TG: variants seen among roughly 807,000 people sequenced by gnomAD.
TG encodes thyroglobulin.
TG carries 270 observed loss-of-function variants against 324.7 expected under a neutral mutation model. The ratio of observed to expected loss-of-function variants is 0.83; its 90% CI spans 0.75 to 0.92. TG has a LOEUF of 0.92. TG is among the 40% of genes least tolerant of loss of function. The pLI, the probability that TG is intolerant of heterozygous loss-of-function variation, is 0.00. For missense variants in TG, 3,591 were observed against 3,456.4 expected (o/e 1.04, Z -0.98); for synonymous variants, 1,401 against 1,327.0 (o/e 1.06, Z -1.21).
intron 34 of TG, among the ~76,000 whole-genome samples, chr8:132,981,328 C>T (rs1052709638): frequency 2.0e-5 from 3 of 152,294 alleles, no homozygotes; most frequent in South Asian, 4.1e-4. Context: ...GGAGATGTTT[C>T]CTTTGCAAAC....
At chr8:133,059,604 C>G (rs1457363647) in intron 41 of TG, among the ~76,000 whole-genome samples, 1 of 151,964 alleles carries the variant, frequency 6.6e-6, no homozygotes, top group Non-Finnish European at 1.5e-5. Flanking sequence ...ATAAGGTTTC[C>G]TTTGTTTTCA....
intron 29 of TG, among the ~76,000 whole-genome samples, chr8:132,966,286 A>G (rs903568210): frequency 2.0e-5 from 3 of 152,334 alleles, no homozygotes; most frequent in Admixed American, 6.5e-5. Context: ...CCAAGGCTTT[A>G]TCCAAACCCA....
chr8:132,961,246 C>T (rs1041172727), intron 28 of TG, among the ~76,000 whole-genome samples, 173 bp downstream of exon 28: 1 of 152,082 alleles, frequency 6.6e-6, no homozygotes, highest in Non-Finnish European at 1.5e-5. Context: ...GATAAGATGC[C>T]AAAGTCTAAA....
rs143578780 is a variant in TG at position 132,873,088 on chromosome 8, C to T, written c.505C>T (p.Arg169Cys). The T allele has an allele frequency of 4.7e-5, 76 of 1,613,968 alleles. No individual in the cohort carries two copies. Among genetic ancestry groups the T allele is most frequent in the South Asian group, 5.5e-5 (5 of 91,078 alleles). The change falls in exon 5 of 48, where the codon CGT (arginine) becomes TGT (cysteine). Residue 169 changes from arginine to cysteine, a missense_variant. Transcript: ENST00000220616. ...TCCAAGGAGCTGTGAAATAAGAAAT[C>T]GTCGTCTTCTCCACGGGGTGGGAGA... ...RCPRSCEIRN[R>C]RLLHGVGDKS...
chr8:132,953,074 G>A (rs1826354199), intron 27 of TG, among the ~76,000 whole-genome samples: 1 of 152,212 alleles, frequency 6.6e-6, no homozygotes, highest in African/African-American at 2.4e-5. Context: ...TTTGGGGCCA[G>A]CTATGCTCCA....
chr8:132,871,507 G>T lies in TG; in HGVS notation c.434G>T (p.Gly145Val). The stretch of plus-strand genomic sequence containing the variant: ...CAGTGCTGGTGTGTGGACGCAGAGG[G>T]GATGGAGGTGTATGGGACCCGCCAG... ...QVQCWCVDAE[G>V]MEVYGTRQLG... The change falls in exon 4 of 48, where the codon GGG (glycine) becomes GTG (valine). Residue 145 changes from glycine (G) to valine (V), a missense_variant. Gly to Val is a moderately radical substitution (Grantham distance 109, BLOSUM62 -3). Transcript: ENST00000220616. The T allele has an allele frequency of 6.2e-7, 1 of 1,614,144 alleles. No homozygotes were observed. The highest frequency in any genetic ancestry group is 8.5e-7 in the Non-Finnish European group (1 of 1,180,016).
In TG at chr8:132,985,403, T is replaced by A. The variant is rs976311184; in HGVS notation, c.6262+1991T>A. On this transcript the variant is annotated intron_variant, in intron 35 of 47. Coordinates refer to ENST00000220616, the MANE Select transcript of TG (RefSeq NM_003235.5). ...GTCCTGGAACCAGTTACCCATAGAA[T>A]CCCACTATTCCTTGATTTGTCAACT... 1.1e-4 allele frequency among the ~76,000 whole-genome samples: 17 copies of A among 152,174 alleles called. 1 individual carries two copies. Among genetic ancestry groups the A allele is most frequent in the African/African-American group, 4.1e-4 (17 of 41,434 alleles).
intron 43 of TG, 105 bp from the exon 44 acceptor site, chr8:133,113,317 C>T: frequency 7.7e-7 from 1 of 1,305,428 alleles, no homozygotes; most frequent in South Asian, 1.2e-5. Flanking sequence ...AATGCCATGC[C>T]CCACTGCTTC....
Position 132,868,120 on chromosome 8 carries a change from C to T in TG, c.73C>T (p.Gln25Ter). 1 of 1,614,124 alleles carries T rather than the reference C, an allele frequency of 6.2e-7. No homozygotes were observed. Among genetic ancestry groups the T allele is most frequent in the Non-Finnish European group, 8.5e-7 (1 of 1,180,008 alleles). Reference sequence around the variant, plus strand: ...AACCACTTTTCTTTTCCTAGAGTACCAGGTGGATGCCCAGCCCCTTCGTCC... The same window carrying T: ...AACCACTTTTCTTTTCCTAGAGTACTAGGTGGATGCCCAGCCCCTTCGTCC... ...CWVSANIFEY[Q>*]VDAQPLRPCE... is the part of the protein sequence containing the mutation. The change falls in exon 2 of 48, where the codon CAG becomes TAG. Residue 25 changes from glutamine (Q) to a stop codon, truncating the protein, a stop_gained. Coordinates refer to ENST00000220616, the MANE Select transcript of TG (RefSeq NM_003235.5). LOFTEE classifies it high-confidence loss of function.
intron 40 of TG, 85 bp from the exon 41 acceptor site, chr8:133,029,736 A>T (rs751589085): frequency 2.0e-5 from 31 of 1,558,684 alleles, no homozygotes; most frequent in Admixed American, 3.4e-5. Context: ...GGGGCCGCAT[A>T]TATGCCTGCC....
chr8:132,967,960 C>A lies in TG; in HGVS notation c.5853C>A (p.Phe1951Leu). 1 of 1,613,556 alleles carries A rather than the reference C, an allele frequency of 6.2e-7. No individual in the cohort carries two copies. Among genetic ancestry groups the A allele is most frequent in the South Asian group, 1.1e-5 (1 of 91,024 alleles). ...LILPQMPKAL[F>L]RKKVILEDKV... The stretch of plus-strand genomic sequence containing the variant: ...TGCCTCAGATGCCAAAGGCCCTGTT[C>A]CGGAAGAAAGGTGAGCACTTGGAGA... The change falls in exon 31 of 48, where the codon TTC becomes TTA. Residue 1951 changes from phenylalanine (F) to leucine (L), a missense_variant. Coordinates refer to ENST00000220616, the MANE Select transcript of TG (RefSeq NM_003235.5).
intron 35 of TG, among the ~76,000 whole-genome samples, chr8:132,992,173 G>A (rs1165273001): frequency 6.6e-6 from 1 of 152,150 alleles, no homozygotes; most frequent in Non-Finnish European, 1.5e-5. Flanking sequence ...AAGCACTGGG[G>A]TACGGCTGTA....
intron 45 of TG, among the ~76,000 whole-genome samples, chr8:133,119,312 A>G (rs1850953687): frequency 1.3e-5 from 2 of 152,182 alleles, no homozygotes; most frequent in African/African-American, 4.8e-5. Context: ...AATCCTTGTG[A>G]GCTCTGCAGG....
At chr8:133,093,250 T>TATTGAC (rs1436831756) in intron 41 of TG, among the ~76,000 whole-genome samples, 11 of 152,146 alleles carry the variant, frequency 7.2e-5, no homozygotes, top group Non-Finnish European at 1.3e-4. Context: ...GGCTAAATCA[T>TATTGAC]ATTGACGCTT....
chr8:132,965,109 A>G (rs570719855), intron 29 of TG, among the ~76,000 whole-genome samples: 2 of 152,024 alleles, frequency 1.3e-5, no homozygotes, highest in South Asian at 2.1e-4. Context: ...GGGGAGACCC[A>G]CATGGGGACT....
intron 41 of TG, chr8:133,040,032 G>C: frequency 6.4e-7 from 1 of 1,551,858 alleles, no homozygotes; most frequent in Admixed American, 2.0e-5. Context: ...GTCTTCTGAC[G>C]CAAGGTGACA....
At chr8:132,938,280 G>A (rs1029928550) in intron 25 of TG, among the ~76,000 whole-genome samples, 1 of 152,192 alleles carries the variant, frequency 6.6e-6, no homozygotes, top group Non-Finnish European at 1.5e-5. Flanking sequence ...AGCTTGATCT[G>A]TCACCCAATA....
intron 8 of TG, chr8:132,883,247 A>C (rs1814916015): frequency 1.9e-6 from 1 of 529,060 alleles, no homozygotes; most frequent in East Asian, 3.3e-5. Context: ...ATGAAGAAAA[A>C]TAAAAGAGAA....
At chr8:133,002,665 A>G (rs1355592803) in intron 35 of TG, 1 of 222,394 alleles carries the variant, frequency 4.5e-6, no homozygotes, top group Non-Finnish European at 9.3e-6. Flanking sequence ...ACTGGTTCTC[A>G]CACAGTGCGC....
Sources: allele counts gnomAD v4.1 joint callset (sites outside exome capture counted in the v4.1 genomes callset), GRCh38; gene constraint gnomAD v4.1.1; transcripts MANE v1.5; gene names NCBI Gene and HGNC (gene_info 2026-07-23, HGNC 2026-07-21).